CDH18: variants seen among roughly 807,000 people sequenced by gnomAD.
CDH18 encodes cadherin 18.
A neutral mutation model predicts 67.9 loss-of-function variants in CDH18; 31 were observed. The ratio of observed to expected loss-of-function variants is 0.46; its 90% CI spans 0.34 to 0.62. The LOEUF (loss-of-function observed/expected upper bound fraction) is 0.62. Among genes scored for constraint, CDH18 ranks in the 20% least tolerant of loss-of-function variants. The pLI is 0.01. For missense variants in CDH18, 890 were observed against 975.5 expected (o/e 0.91, Z 1.17); for synonymous variants, 362 against 347.2 (o/e 1.04, Z -0.48).
At chr5:20,557,859 TAATGTTATAGTTATATAACATTA>T (rs1306583200) in intron 1 of CDH18, among the ~76,000 whole-genome samples, 510 of 45,142 alleles carry the variant, frequency 0.011, 27 homozygotes, top group South Asian at 0.021. Flanking sequence ...ATATAACATT[TAATGTTATAGTTATATAACATTA>T]AATGTTATAG....
chr5:20,445,275 C>T (rs946474212), intron 1 of CDH18, among the ~76,000 whole-genome samples: 8 of 152,020 alleles, frequency 5.3e-5, no homozygotes, highest in South Asian at 2.1e-4. Context: ...TTTGATTATC[C>T]GATTTCTTAA....
intron 5 of CDH18, among the ~76,000 whole-genome samples, chr5:19,612,834 C>G (rs1749211843): frequency 6.6e-6 from 1 of 152,132 alleles, no homozygotes; most frequent in South Asian, 2.1e-4. Flanking sequence ...TATCTCTCTG[C>G]ATTCCTTAAA....
intron 2 of CDH18, among the ~76,000 whole-genome samples, chr5:19,903,936 G>A (rs1019184051): frequency 4.0e-5 from 6 of 151,858 alleles, no homozygotes; most frequent in Non-Finnish European, 7.4e-5. Context: ...CATTTAATAA[G>A]AAGATCTATC....
intron 8 of CDH18, among the ~76,000 whole-genome samples, chr5:19,549,576 A>G (rs1482014535): frequency 6.7e-6 from 1 of 148,800 alleles, no homozygotes; most frequent in African/African-American, 2.4e-5. Context: ...AAAAGAGAGA[A>G]TATGTCAAAT....
At chr5:19,927,399 C>T (rs1508627) in intron 2 of CDH18, among the ~76,000 whole-genome samples, 131,894 of 152,128 alleles carry the variant, frequency 0.87, 57,887 homozygotes, top group South Asian at 0.97. Flanking sequence ...TGAGGTTACG[C>T]AACCTGCCAA....
At chr5:19,968,179 A>G (rs954649611) in intron 2 of CDH18, among the ~76,000 whole-genome samples, 1 of 152,146 alleles carries the variant, frequency 6.6e-6, no homozygotes, top group Non-Finnish European at 1.5e-5. Context: ...CCACTGCTCA[A>G]TGAAATAAAA....
rs762657337 is a variant in CDH18 at position 19,721,403 on chromosome 5, C to A, written c.587G>T (p.Arg196Leu). The stretch of plus-strand genomic sequence containing the variant: ...TCCTTGGAGAATGCTGTAAACCACC[C>A]GAGCGCTGTTTCCATAGGTAGGGTC... ...ADDPTYGNSA[R>L]VVYSILQGQP... Residue 196 changes from arginine (R) to leucine (L), a missense_variant, in exon 5 of 13, where the codon CGG (arginine) becomes CTG (leucine). This residue lies in a region of CDH18 where 234 missense variants were observed against 307.4 expected (regional missense o/e 0.76). Transcript: ENST00000382275. The A allele has an allele frequency of 1.2e-6, 2 of 1,610,458 alleles. No individual in the cohort carries two copies. Among genetic ancestry groups the A allele is most frequent in the Non-Finnish European group, 1.7e-6 (2 of 1,177,380 alleles).
In CDH18 at chr5:19,910,057, A is replaced by G. The variant is rs1000156936; in HGVS notation, c.-256-70815T>C. On this transcript the variant is annotated intron_variant, in intron 2 of 12. Transcript: ENST00000382275. ...CCAAGTAGATTTTTCTCTTCTGTTA[A>G]TGTTATCAGTTAACCTTCAGAAATG... Among the ~76,000 whole-genome samples, 4 of 152,162 alleles carry G rather than the reference A, an allele frequency of 2.6e-5. No homozygotes were observed. In the East Asian group the frequency reaches 7.7e-4, roughly 29 times the overall value.
At chr5:19,747,583 C>T (rs1158459101) in intron 3 of CDH18, among the ~76,000 whole-genome samples, 1 of 151,930 alleles carries the variant, frequency 6.6e-6, no homozygotes, top group East Asian at 1.9e-4. Flanking sequence ...TTATTGTTGC[C>T]TTCCATACTT....
chr5:19,574,954 G>A (rs527569237), intron 7 of CDH18, among the ~76,000 whole-genome samples: 6 of 152,154 alleles, frequency 3.9e-5, no homozygotes, highest in African/African-American at 1.2e-4. Context: ...CAGGAGAATC[G>A]CTTGAACCCA....
chr5:20,247,750 C>T (rs1286118827), intron 2 of CDH18, among the ~76,000 whole-genome samples: 4 of 133,834 alleles, frequency 3.0e-5, no homozygotes, highest in Admixed American at 1.6e-4. Context: ...GCCAACTGAG[C>T]GAGACCATCA....
intron 5 of CDH18, among the ~76,000 whole-genome samples, chr5:19,629,922 A>AT (rs1752160221): frequency 6.6e-6 from 1 of 151,896 alleles, no homozygotes; most frequent in Admixed American, 6.6e-5. Context: ...GAGGACATAG[A>AT]TTTTTTATTT....
chr5:19,957,856 T>C (rs1274222845), intron 2 of CDH18, among the ~76,000 whole-genome samples: 1 of 151,980 alleles, frequency 6.6e-6, no homozygotes, highest in Non-Finnish European at 1.5e-5. Context: ...ATGTTTTTAC[T>C]AAACAGCTAT....
intron 11 of CDH18, among the ~76,000 whole-genome samples, chr5:19,501,131 CT>C (rs1216911974): frequency 6.8e-6 from 1 of 146,298 alleles, no homozygotes; most frequent in Non-Finnish European, 1.5e-5. Context: ...GAAACTCTAT[CT>C]CAATATATAC....
intron 1 of CDH18, among the ~76,000 whole-genome samples, chr5:20,571,579 A>G (rs763693208): frequency 2.0e-5 from 3 of 152,172 alleles, no homozygotes; most frequent in Non-Finnish European, 4.4e-5. Context: ...TATATTGTAT[A>G]TGCTAGTTGC....
At chr5:19,717,533 T>G (rs1431441315) in intron 5 of CDH18, among the ~76,000 whole-genome samples, 1 of 152,062 alleles carries the variant, frequency 6.6e-6, no homozygotes, top group East Asian at 1.9e-4. Context: ...GCTTTTGTAG[T>G]CACCACCTGA....
chr5:20,533,908 T>C (rs564241983), intron 1 of CDH18, among the ~76,000 whole-genome samples: 1 of 152,176 alleles, frequency 6.6e-6, no homozygotes, highest in Non-Finnish European at 1.5e-5. Context: ...CAAAAGTTCA[T>C]ATCGATATTG....
At chr5:20,051,279 A>G (rs1449959084) in intron 2 of CDH18, among the ~76,000 whole-genome samples, 2 of 151,936 alleles carry the variant, frequency 1.3e-5, no homozygotes, top group Non-Finnish European at 2.9e-5. Flanking sequence ...AGCTCTCACT[A>G]TCTTTTCTGA....
rs957934422 is a variant in CDH18, at chr5:20,199,045, T to G, written c.-518+56399A>C. ...GTGTGCTGCAGGGGCAGAGCCCTCATGAAGAACCTTTGCTAGGGCAATGCA... is the reference window on the plus strand; with the variant it reads ...GTGTGCTGCAGGGGCAGAGCCCTCAGGAAGAACCTTTGCTAGGGCAATGCA... On this transcript the variant is annotated intron_variant, in intron 2 of 14. Coordinates refer to the CDH18 transcript ENST00000507958. 9.2e-5 allele frequency among the ~76,000 whole-genome samples: 14 copies of G among 152,286 alleles called. No individual in the cohort carries two copies. The South Asian group carries it at 2.7e-3, about 29-fold the overall frequency.
Sources: gnomAD v4.1 joint callset for allele counts (sites outside exome capture counted in the v4.1 genomes callset) on GRCh38, gnomAD v4.1.1 for gene constraint, gnomAD v4.1.1 regional missense constraint, MANE v1.5 for transcripts, NCBI Gene and HGNC (gene_info 2026-07-23, HGNC 2026-07-21) for gene names.